The following STAB2 variants were observed in gnomAD, a reference collection of about 807,000 sequenced individuals.
STAB2 encodes the protein stabilin 2, also known as stabilin-2.
STAB2 carries 288 observed loss-of-function variants against 338.1 expected under a neutral mutation model. The observed-to-expected ratio is 0.85, with a 90% confidence interval of 0.77 to 0.94. STAB2 has a LOEUF of 0.94. Ranked by LOEUF, STAB2 falls within the 40% of genes least tolerant of loss-of-function variation. The pLI is 0.00. For missense variants in STAB2, 3,141 were observed against 3,210.1 expected (o/e 0.98, Z 0.52); for synonymous variants, 1,202 against 1,193.3 (o/e 1.01, Z -0.15).
Position 103,708,424 on chromosome 12 carries a change from G to T in STAB2, c.4193-17G>T, listed in dbSNP as rs1316994921. On this transcript the variant is annotated splice_polypyrimidine_tract_variant and intron_variant, in intron 38 of 68. Transcript: ENST00000388887. ...TGGGTTAGAATCTGACGATTTGCAG[G>T]TGATTTTCCCACTTAGCATGTTCTT... The T allele has an allele frequency of 6.2e-7, 1 of 1,612,974 alleles. No individual in the cohort carries two copies. Among genetic ancestry groups the T allele is most frequent in the African/African-American group, 1.3e-5 (1 of 75,038 alleles).
chr12:103,676,056 TTC>T (rs374105937), intron 24 of STAB2, 35 bp downstream of exon 24: 476 of 1,284,270 alleles, frequency 3.7e-4, no homozygotes, highest in South Asian at 1.3e-3. Context: ...CCTGCCTGGT[TTC>T]TTTTTTTTTT....
intron 3 of STAB2, among the ~76,000 whole-genome samples, chr12:103,617,396 A>T (rs1276784701): frequency 2.0e-5 from 3 of 152,234 alleles, no homozygotes; most frequent in African/African-American, 7.2e-5. Flanking sequence ...CCTAAAGAAG[A>T]TCCACTCTGA....
At chr12:103,709,809 A>G (rs1483184984) in intron 39 of STAB2, among the ~76,000 whole-genome samples, 1 of 152,172 alleles carries the variant, frequency 6.6e-6, no homozygotes, top group East Asian at 1.9e-4. Context: ...GGGAAGCAGG[A>G]AGCAATGGGG....
rs1276214141 is a variant in STAB2 at position 103,703,209 on chromosome 12, A to G, written c.3776A>G (p.His1259Arg). The stretch of plus-strand genomic sequence containing the variant: ...GTAGCCACTGATAAGGGAGTGATCC[A>G]TGGCTTGGGAAAAGTTCTGGAAATT... ...TNVATDKGVI[H>R]GLGKVLEIQK... is the part of the protein sequence containing the mutation. Residue 1259 changes from histidine (H) to arginine (R), a missense_variant, in exon 35 of 69, where the codon CAT becomes CGT. His to Arg is a conservative substitution (Grantham distance 29, BLOSUM62 0). Coordinates refer to ENST00000388887, the MANE Select transcript of STAB2 (RefSeq NM_017564.10). The G allele has an allele frequency of 6.2e-7, 1 of 1,613,990 alleles. No homozygotes were observed.
intron 1 of STAB2, among the ~76,000 whole-genome samples, chr12:103,588,007 A>G (rs1956739013): frequency 6.6e-6 from 1 of 152,132 alleles, no homozygotes; most frequent in Non-Finnish European, 1.5e-5. Flanking sequence ...TCACCCTTTC[A>G]TCTCTTCTGC....
chr12:103,622,158 T>C, intron 5 of STAB2, 47 bp downstream of exon 5: 1 of 1,593,386 alleles, frequency 6.3e-7, no homozygotes. Context: ...GGGTTGACAG[T>C]CCATGAGAAA....
chr12:103,633,513 T>A (rs922581794), intron 6 of STAB2, among the ~76,000 whole-genome samples: 6 of 152,100 alleles, frequency 3.9e-5, no homozygotes, highest in Non-Finnish European at 8.8e-5. Flanking sequence ...TGAAACCCTG[T>A]CTCTACAAAA....
At chr12:103,750,769 T>TG in intron 60 of STAB2, 49 bp downstream of exon 60, 2 of 1,565,298 alleles carry the variant, frequency 1.3e-6, no homozygotes, top group Non-Finnish European at 1.7e-6. Context: ...TCTTCAGGCC[T>TG]GGGGAAGGGA....
chr12:103,659,311 C>T (rs963472060), intron 15 of STAB2, among the ~76,000 whole-genome samples: 1 of 152,194 alleles, frequency 6.6e-6, no homozygotes, highest in Admixed American at 6.5e-5. Flanking sequence ...CAGGTAACTC[C>T]CTTGGCACAG....
In STAB2 at chr12:103,755,482, T is replaced by C; in HGVS notation, c.6880+15T>C. 2.5e-6 allele frequency: 4 copies of C among 1,612,852 alleles called. No individual in the cohort carries two copies. The highest frequency in any genetic ancestry group is 3.4e-6 in the Non-Finnish European group (4 of 1,179,062). On this transcript the variant is annotated intron_variant, in intron 62 of 68. Transcript: ENST00000388887. The stretch of plus-strand genomic sequence containing the variant: ...TCGGATGAAAGGTAACCGCCCCAGC[T>C]ACACTTCAGGTTCTGGGCCACACAG...
intron 18 of STAB2, among the ~76,000 whole-genome samples, chr12:103,663,367 G>A (rs1478510034): frequency 2.0e-5 from 3 of 150,768 alleles, no homozygotes; most frequent in Non-Finnish European, 3.0e-5. Context: ...AAGGCTCTAG[G>A]GAAGAATGTT....
intron 25 of STAB2, among the ~76,000 whole-genome samples, chr12:103,679,354 G>A (rs1593224587): frequency 6.6e-6 from 1 of 151,328 alleles, no homozygotes; most frequent in Non-Finnish European, 1.5e-5. Flanking sequence ...GGCAACAAGA[G>A]CAAAACTCTG....
At chr12:103,717,946 C>A in intron 44 of STAB2, 105 bp downstream of exon 44, 1 of 1,126,016 alleles carries the variant, frequency 8.9e-7, no homozygotes, top group Non-Finnish European at 1.3e-6. Flanking sequence ...CTCTGGAGGC[C>A]TCAGAGCTGT....
intron 25 of STAB2, 76 bp downstream of exon 25, chr12:103,677,687 G>A (rs1008693130): frequency 1.3e-6 from 2 of 1,531,288 alleles, no homozygotes; most frequent in Admixed American, 1.8e-5. Context: ...GGACACAGAA[G>A]TACTTTGGCT....
chr12:103,655,361 A>G, intron 14 of STAB2, 54 bp downstream of exon 14: 1 of 1,604,986 alleles, frequency 6.2e-7, no homozygotes, highest in South Asian at 1.1e-5. Flanking sequence ...CTTTTGTAAA[A>G]TTAGCAGGGG....
At chr12:103,750,788 G>T in intron 60 of STAB2, 68 bp downstream of exon 60, 1 of 1,515,220 alleles carries the variant, frequency 6.6e-7, no homozygotes, top group African/African-American at 1.4e-5. Flanking sequence ...GACCCTCAAG[G>T]GAAAGAAGAA....
chr12:103,686,064 C>T (rs1322920675), intron 27 of STAB2, among the ~76,000 whole-genome samples: 2 of 152,114 alleles, frequency 1.3e-5, no homozygotes, highest in Non-Finnish European at 2.9e-5. Flanking sequence ...GTCTTGTTTC[C>T]TACGTCAGTC....
chr12:103,729,053 C>G (rs1224771562), intron 48 of STAB2, 58 bp downstream of exon 48: 26 of 1,550,036 alleles, frequency 1.7e-5, no homozygotes, highest in Non-Finnish European at 2.3e-5. Context: ...TTGCAGGAAC[C>G]TGGATGGAGC....
In STAB2 at chr12:103,726,104, C is replaced by G. The variant is rs1881179237; in HGVS notation, c.4804-12C>G. The G allele has an allele frequency of 1.2e-6, 2 of 1,613,838 alleles. No individual in the cohort carries two copies. The highest frequency in any genetic ancestry group is 2.2e-5 in the East Asian group (1 of 44,872). On this transcript the variant is annotated splice_polypyrimidine_tract_variant and intron_variant, in intron 45 of 68. Coordinates refer to ENST00000388887, the MANE Select transcript of STAB2 (RefSeq NM_017564.10). ...TTCACAGGCATTAAGTGAAACTACTCTTTGTTTGCAGGAGCTTCCCAAGAA... is the reference window on the plus strand; with the variant it reads ...TTCACAGGCATTAAGTGAAACTACTGTTTGTTTGCAGGAGCTTCCCAAGAA...
Sources: gnomAD v4.1 joint callset for allele counts (sites outside exome capture counted in the v4.1 genomes callset) on GRCh38, gnomAD v4.1.1 for gene constraint, MANE v1.5 for transcripts, NCBI Gene and HGNC (gene_info 2026-07-23, HGNC 2026-07-21) for gene names.